Variants in ATF7IP observed in about 807,000 individuals in gnomAD.
ATF7IP encodes the protein activating transcription factor 7 interacting protein, also known as activating transcription factor 7-interacting protein 1.
In ATF7IP, 23 loss-of-function variants were observed where a neutral mutation model predicts 106.4. That is an observed-to-expected ratio of 0.22 (90% CI 0.16 to 0.31). ATF7IP has a LOEUF of 0.31. Ranked by LOEUF, ATF7IP falls within the 10% of genes least tolerant of loss-of-function variation. ATF7IP has a pLI of 1.00. For synonymous variants in ATF7IP, 542 were observed against 539.0 expected (o/e 1.01, Z -0.08); for missense variants, 1,334 against 1,524.3 (o/e 0.88, Z 2.08).
At chr12:14,444,990 G>GTTT (rs1206306341) in intron 5 of ATF7IP, among the ~76,000 whole-genome samples, 7 of 131,526 alleles carry the variant, frequency 5.3e-5, no homozygotes, top group African/African-American at 8.5e-5. Flanking sequence ...TAACCACCTA[G>GTTT]TTTTTTTTTT....
chr12:14,439,676 C>CA (rs1191535742), intron 5 of ATF7IP, among the ~76,000 whole-genome samples: 1 of 151,924 alleles, frequency 6.6e-6, no homozygotes, highest in African/African-American at 2.4e-5. Flanking sequence ...ACTAAAAATA[C>CA]AAAAAAATTA....
intron 1 of ATF7IP, among the ~76,000 whole-genome samples, chr12:14,378,908 G>A (rs556566176): frequency 3.9e-5 from 6 of 152,152 alleles, no homozygotes; most frequent in Non-Finnish European, 8.8e-5. Flanking sequence ...CAATTCCTCA[G>A]GTATGGTGGC....
At chr12:14,378,400 A>G (rs976606796) in intron 1 of ATF7IP, among the ~76,000 whole-genome samples, 2 of 152,102 alleles carry the variant, frequency 1.3e-5, no homozygotes, top group African/African-American at 4.8e-5. Context: ...GCCCGGCCCT[A>G]TATTCAGTAT....
At position 14,501,865 on chromosome 12, in the gene ATF7IP, T is replaced by G. The variant is rs2136895445; in HGVS notation, c.*3792T>G. ...GTTGTTTGCTCTTTTGCTTTAAATA[T>G]TCTCCAAATTACCATTTATGCAACA... On this transcript the variant is annotated 3_prime_UTR_variant, in exon 15 of 15. Coordinates refer to ENST00000261168, the MANE Select transcript of ATF7IP (RefSeq NM_018179.5). 1 of 152,338 alleles carries G rather than the reference T, an allele frequency of 6.6e-6. No individual in the cohort carries two copies. The highest frequency in any genetic ancestry group is 1.9e-4 in the East Asian group (1 of 5,194). 9.4% of individuals were successfully genotyped at this position (152,338 alleles called of 1,614,324 possible). A position where few individuals can be genotyped will look rare whatever the true frequency, so the allele number is the denominator to read the frequency against.
intron 2 of ATF7IP, among the ~76,000 whole-genome samples, chr12:14,431,439 G>A (rs1279837107): frequency 6.7e-6 from 1 of 150,094 alleles, no homozygotes; most frequent in Non-Finnish European, 1.5e-5. Context: ...CTGTCACCCA[G>A]GCTGGAGTGC....
At position 14,460,343 on chromosome 12, in the gene ATF7IP, T is replaced by C. The variant is rs1408147027; in HGVS notation, c.2159-152T>C. The C allele has an allele frequency of 4.3e-6, 3 of 697,824 alleles. No homozygotes were observed. The South Asian group carries it at 8.4e-5, about 19-fold the overall frequency. The allele number at this position is 697,824 out of a possible 1,614,324, so 43.2% of individuals were successfully genotyped here. On this transcript the variant is annotated intron_variant, in intron 8 of 14. Transcript: ENST00000261168. The stretch of plus-strand genomic sequence containing the variant: ...ATGAATTTAATTCTAAATTAAATTT[T>C]GGAATTTAAATCTGGAAAAAAATTT...
chr12:14,489,025 C>T (rs1249684128), intron 13 of ATF7IP, among the ~76,000 whole-genome samples: 2 of 152,196 alleles, frequency 1.3e-5, no homozygotes, highest in African/African-American at 4.8e-5. Flanking sequence ...TTTTCTACTA[C>T]CCATTCTGTA....
At chr12:14,466,013 C>T (rs905503083) in intron 9 of ATF7IP, 1 of 152,138 alleles carries the variant, frequency 6.6e-6, no homozygotes, top group African/African-American at 2.4e-5. Context: ...CTGAAAGTAA[C>T]ATTTTTTAAC....
At chr12:14,452,828 A>G (rs1943258682) in intron 6 of ATF7IP, among the ~76,000 whole-genome samples, 1 of 152,142 alleles carries the variant, frequency 6.6e-6, no homozygotes, top group Admixed American at 6.6e-5. Context: ...GTATGCTTCC[A>G]TGATGCATAC....
At chr12:14,448,653 T>G (rs1406872515) in intron 6 of ATF7IP, among the ~76,000 whole-genome samples, 1 of 152,174 alleles carries the variant, frequency 6.6e-6, no homozygotes. Flanking sequence ...CTGTTTTTAA[T>G]TCTTTTGCAT....
At chr12:14,425,572 G>A in intron 2 of ATF7IP, 99 bp downstream of exon 2, 1 of 1,249,228 alleles carries the variant, frequency 8.0e-7, no homozygotes. Flanking sequence ...TAGCTGCAGA[G>A]AAAGTTGAGA....
At chr12:14,431,314 G>A (rs1463774859) in intron 2 of ATF7IP, among the ~76,000 whole-genome samples, 1 of 151,842 alleles carries the variant, frequency 6.6e-6, no homozygotes, top group Non-Finnish European at 1.5e-5. Context: ...ATTGTGATAA[G>A]GCTATAGCCT....
intron 2 of ATF7IP, among the ~76,000 whole-genome samples, chr12:14,431,588 G>T (rs1186270707): frequency 2.0e-5 from 3 of 151,914 alleles, no homozygotes; most frequent in Non-Finnish European, 4.4e-5. Flanking sequence ...TAGAGACAGG[G>T]TTTCACCATG....
intron 1 of ATF7IP, among the ~76,000 whole-genome samples, chr12:14,387,986 C>T (rs555479731): frequency 6.6e-6 from 1 of 151,096 alleles, no homozygotes; most frequent in African/African-American, 2.4e-5. Flanking sequence ...CGAGCTTATT[C>T]CATTTTCTTT....
At chr12:14,441,087 A>G (rs117637905) in intron 5 of ATF7IP, among the ~76,000 whole-genome samples, 1 of 152,146 alleles carries the variant, frequency 6.6e-6, no homozygotes, top group Non-Finnish European at 1.5e-5. Flanking sequence ...TCTTTTAGGA[A>G]TATACCTAGG....
At chr12:14,451,255 C>A (rs1409992003) in intron 6 of ATF7IP, among the ~76,000 whole-genome samples, 1 of 151,918 alleles carries the variant, frequency 6.6e-6, no homozygotes, top group African/African-American at 2.4e-5. Flanking sequence ...CTCTTTCTTT[C>A]ATTTCTTTTC....
intron 1 of ATF7IP, among the ~76,000 whole-genome samples, chr12:14,382,615 A>G (rs532920964): frequency 6.6e-6 from 1 of 152,316 alleles, no homozygotes; most frequent in South Asian, 2.1e-4. Context: ...TTCTTCCTAG[A>G]AAGTAGGAGT....
intron 12 of ATF7IP, among the ~76,000 whole-genome samples, chr12:14,480,725 T>A (rs1178085373): frequency 2.6e-5 from 4 of 152,178 alleles, no homozygotes; most frequent in African/African-American, 9.6e-5. Context: ...TGCACCTTTT[T>A]AAAAAATCTT....
At chr12:14,378,383 T>TCA (rs1241127166) in intron 1 of ATF7IP, among the ~76,000 whole-genome samples, 3 of 152,076 alleles carry the variant, frequency 2.0e-5, no homozygotes, top group Non-Finnish European at 2.9e-5. Context: ...CAGGCGTGAG[T>TCA]CACCATGCCC....
Sources: allele counts gnomAD v4.1 joint callset (sites outside exome capture counted in the v4.1 genomes callset), GRCh38; gene constraint gnomAD v4.1.1; transcripts MANE v1.5; gene names NCBI Gene and HGNC (gene_info 2026-07-23, HGNC 2026-07-21).